The following ATRNL1 variants were observed in gnomAD, a reference collection of about 807,000 sequenced individuals.
The protein encoded by ATRNL1 is attractin like 1, also known as attractin-like protein 1.
ATRNL1 carries 95 observed loss-of-function variants against 182.7 expected under a neutral mutation model. The ratio of observed to expected loss-of-function variants is 0.52; its 90% CI spans 0.44 to 0.62. The LOEUF is 0.62. Ranked by LOEUF, ATRNL1 falls within the 20% of genes least tolerant of loss-of-function variation. The probability of loss-of-function intolerance (pLI) is 0.00; values close to 1 mark genes in which losing one functional copy is unlikely to be tolerated. For missense variants in ATRNL1, 1,471 were observed against 1,679.5 expected (o/e 0.88, Z 2.17); for synonymous variants, 576 against 568.3 (o/e 1.01, Z -0.19).
intron 19 of ATRNL1, among the ~76,000 whole-genome samples, chr10:115,359,738 T>A (rs1554943726): frequency 1.3e-5 from 2 of 151,568 alleles, no homozygotes; most frequent in African/African-American, 4.8e-5. Flanking sequence ...CAGTTTCTAG[T>A]TTTTCTAGAG....
At chr10:115,681,670 TGAGG>T (rs1270553169) in intron 26 of ATRNL1, among the ~76,000 whole-genome samples, 2 of 152,136 alleles carry the variant, frequency 1.3e-5, no homozygotes, top group Non-Finnish European at 2.9e-5. Context: ...CATAATCAAC[TGAGG>T]GGAATTCTTC....
intron 27 of ATRNL1, among the ~76,000 whole-genome samples, chr10:115,737,434 T>TG (rs1947989400): frequency 7.2e-6 from 1 of 139,390 alleles, no homozygotes; most frequent in Non-Finnish European, 1.6e-5. Flanking sequence ...AGACCCTGTC[T>TG]AAAAAAAAAA....
At position 115,894,427 on chromosome 10, in the gene ATRNL1, G is replaced by A. The variant is rs12570659; in HGVS notation, c.4018+46436G>A. Among the ~76,000 whole-genome samples, 1,187 of 152,244 alleles carry A rather than the reference G, an allele frequency of 7.8e-3. 33 individuals carry two copies. In the East Asian group the frequency reaches 0.085, roughly 11 times the overall value. ...GAAATTGGCTACATATAGATGTAAT[G>A]TATGTAGGGCAGGGAGCACCCAAGA... On this transcript the variant is annotated intron_variant, in intron 28 of 28. Transcript: ENST00000355044.
chr10:115,173,967 G>T (rs1238266256), intron 8 of ATRNL1, among the ~76,000 whole-genome samples: 2 of 147,082 alleles, frequency 1.4e-5, no homozygotes, highest in Non-Finnish European at 3.0e-5. Context: ...TTGCTTTTTT[G>T]TTGATTTGTT....
intron 5 of ATRNL1, among the ~76,000 whole-genome samples, chr10:115,149,722 C>A (rs1846131214): frequency 6.6e-6 from 1 of 152,022 alleles, no homozygotes; most frequent in East Asian, 1.9e-4. Context: ...TTTTAATATG[C>A]TGCTGGATTT....
At chr10:115,337,766 C>T (rs535408774) in intron 19 of ATRNL1, among the ~76,000 whole-genome samples, 22 of 151,942 alleles carry the variant, frequency 1.4e-4, no homozygotes, top group Admixed American at 2.6e-4. Flanking sequence ...AAATATATAC[C>T]ACATTTTCTT....
chr10:115,148,009 A>G (rs1220438993), intron 5 of ATRNL1, among the ~76,000 whole-genome samples: 2 of 151,958 alleles, frequency 1.3e-5, no homozygotes, highest in Non-Finnish European at 2.9e-5. Flanking sequence ...TGACTATGGT[A>G]GTTTGCATTG....
chr10:115,765,120 T>C (rs1206953630), intron 27 of ATRNL1, among the ~76,000 whole-genome samples: 1 of 152,232 alleles, frequency 6.6e-6, no homozygotes, highest in Non-Finnish European at 1.5e-5. Flanking sequence ...TTATGAATTA[T>C]GCTGCTACAA....
At chr10:115,094,345 A>G (rs1487557977) in intron 1 of ATRNL1, among the ~76,000 whole-genome samples, 2 of 152,184 alleles carry the variant, frequency 1.3e-5, no homozygotes, top group South Asian at 2.1e-4. Flanking sequence ...GAACATTTTC[A>G]CAATCAGTTA....
At chr10:115,568,316 T>C (rs1854186741) in intron 26 of ATRNL1, among the ~76,000 whole-genome samples, 1 of 152,066 alleles carries the variant, frequency 6.6e-6, no homozygotes, top group Admixed American at 6.6e-5. Context: ...ATGTTAAAAA[T>C]TTAATATTTA....
intron 28 of ATRNL1, among the ~76,000 whole-genome samples, chr10:115,907,733 A>C (rs1057111530): frequency 6.6e-6 from 1 of 151,884 alleles, no homozygotes; most frequent in Non-Finnish European, 1.5e-5. Flanking sequence ...ATAAAATTAT[A>C]AAAAAATTTT....
At chr10:115,267,228 C>A (rs1851645111) in intron 12 of ATRNL1, among the ~76,000 whole-genome samples, 1 of 150,028 alleles carries the variant, frequency 6.7e-6, no homozygotes, top group South Asian at 2.1e-4. Context: ...GTATATATAT[C>A]AATATTTTAT....
Position 115,525,832 on chromosome 10 carries a change from G to C in ATRNL1, c.3716+6508G>C, listed in dbSNP as rs74490426. Among the ~76,000 whole-genome samples the C allele has an allele frequency of 9.1e-3, 1,389 of 152,202 alleles. 16 individuals are homozygous for C. The highest frequency in any genetic ancestry group is 0.031 in the African/African-American group (1,271 of 41,534). ...AAACCAATGAGTTTTTATTTATCCA[G>C]TCTTAACATTTCGTTGCCCTTTATC... On this transcript the variant is annotated intron_variant, in intron 25 of 28. Coordinates refer to ENST00000355044, the MANE Select transcript of ATRNL1 (RefSeq NM_207303.4).
chr10:115,210,394 T>C (rs1229227895), intron 8 of ATRNL1, among the ~76,000 whole-genome samples: 2 of 151,872 alleles, frequency 1.3e-5, no homozygotes, highest in African/African-American at 4.8e-5. Context: ...ATCACACATG[T>C]TGATATATCT....
intron 9 of ATRNL1, among the ~76,000 whole-genome samples, chr10:115,217,250 G>A (rs899863208): frequency 9.9e-5 from 15 of 151,964 alleles, no homozygotes; most frequent in Admixed American, 8.5e-4. Flanking sequence ...CACCATGCCC[G>A]GCTAATTTTT....
intron 15 of ATRNL1, among the ~76,000 whole-genome samples, chr10:115,297,371 G>A (rs1564889324): frequency 6.6e-6 from 1 of 152,108 alleles, no homozygotes; most frequent in East Asian, 1.9e-4. Context: ...TCCGGGCGTG[G>A]TGGCTGACGC....
chr10:115,428,290 C>G (rs192046289), intron 21 of ATRNL1, among the ~76,000 whole-genome samples: 30 of 152,002 alleles, frequency 2.0e-4, no homozygotes, highest in Non-Finnish European at 3.5e-4. Flanking sequence ...ACTTCTACTA[C>G]CATTTTTTGT....
At position 115,659,268 on chromosome 10, in the gene ATRNL1, A is replaced by T. The variant is rs117822755; in HGVS notation, c.3796-67980A>T. ...GCACTCTGCCCACACCTTTGTAAAT[A>T]ATCCTTTTGTGAACCTTCCTCAAAT... On this transcript the variant is annotated intron_variant, in intron 26 of 28. Transcript: ENST00000355044. Among the ~76,000 whole-genome samples the T allele has an allele frequency of 1.6e-3, 248 of 152,180 alleles. 1 individual carries two copies. In the East Asian group the frequency reaches 0.033, roughly 20 times the overall value.
intron 8 of ATRNL1, among the ~76,000 whole-genome samples, chr10:115,211,891 G>C (rs566493721): frequency 1.3e-4 from 20 of 151,604 alleles, no homozygotes; most frequent in Admixed American, 4.6e-4. Context: ...CTCCTTTTGG[G>C]ATTATGGTGC....
Sources: gnomAD v4.1 joint callset for allele counts (sites outside exome capture counted in the v4.1 genomes callset) on GRCh38, gnomAD v4.1.1 for gene constraint, MANE v1.5 for transcripts, NCBI Gene and HGNC (gene_info 2026-07-23, HGNC 2026-07-21) for gene names.